ZNF608: variants seen among roughly 807,000 people sequenced by gnomAD.
ZNF608 encodes zinc finger protein 608.
Under a neutral mutation model 109.0 loss-of-function variants are expected in ZNF608, and 12 were observed. That is an observed-to-expected ratio of 0.11 (90% CI 0.07 to 0.18). The LOEUF is 0.18. Among genes scored for constraint, ZNF608 ranks in the 10% least tolerant of loss-of-function variants. The pLI is 1.00. For synonymous variants in ZNF608, 732 were observed against 717.4 expected (o/e 1.02, Z -0.33); for missense variants, 1,707 against 1,879.3 (o/e 0.91, Z 1.70).
At chr5:124,674,213 C>A (rs1005483457) in intron 3 of ZNF608, among the ~76,000 whole-genome samples, 5 of 152,132 alleles carry the variant, frequency 3.3e-5, no homozygotes, top group Non-Finnish European at 5.9e-5. Flanking sequence ...CAGGTAAAGT[C>A]AGACAAGGGC....
intron 3 of ZNF608, among the ~76,000 whole-genome samples, chr5:124,658,055 C>A (rs575130213): frequency 6.6e-6 from 1 of 152,032 alleles, no homozygotes; most frequent in South Asian, 2.1e-4. Flanking sequence ...ATTGTGTAGA[C>A]CGTTCCTCTA....
intron 2 of ZNF608, among the ~76,000 whole-genome samples, chr5:124,718,340 C>A (rs1422375697): frequency 6.6e-6 from 1 of 152,182 alleles, no homozygotes; most frequent in Non-Finnish European, 1.5e-5. Flanking sequence ...AAAAATAAAC[C>A]TAATCTAAGC....
In ZNF608 at chr5:124,637,753, T is replaced by A; in HGVS notation, c.*147A>T. ...TTAATTACAGCAACATTTGTTACTC[T>A]GTGATAAAATCTGTAATTTACAAAA... On this transcript the variant is annotated 3_prime_UTR_variant, in exon 10 of 10. Coordinates refer to ENST00000513986, the MANE Select transcript of ZNF608 (RefSeq NM_020747.3). 1.5e-6 allele frequency: 1 copy of A among 660,794 alleles called. No individual in the cohort carries two copies. Among genetic ancestry groups the A allele is most frequent in the Non-Finnish European group, 2.5e-6 (1 of 397,858 alleles). 40.9% of individuals were successfully genotyped at this position (660,794 alleles called of 1,614,324 possible).
At chr5:124,716,051 G>C (rs984189563) in intron 2 of ZNF608, among the ~76,000 whole-genome samples, 6 of 150,522 alleles carry the variant, frequency 4.0e-5, no homozygotes, top group African/African-American at 7.3e-5. Flanking sequence ...GCTGAGGCAG[G>C]AGAATGGCCT....
At chr5:124,723,992 G>A (rs1156268118) in intron 2 of ZNF608, among the ~76,000 whole-genome samples, 1 of 152,074 alleles carries the variant, frequency 6.6e-6, no homozygotes, top group African/African-American at 2.4e-5. Flanking sequence ...ATTACTATCA[G>A]ATTAGCACAG....
rs770936188 is a variant in ZNF608, at chr5:124,744,493, T to A, written c.497A>T (p.Asn166Ile). The change falls in exon 2 of 10, where the codon AAC becomes ATC. Residue 166 changes from asparagine (N) to isoleucine (I), a missense_variant. Around this residue, in one of 7 missense-constraint regions of ZNF608, gnomAD observed 407 missense variants for 398.7 expected, o/e 1.02. Transcript: ENST00000513986. The surrounding 1 kb of genome is among the most constrained non-coding windows in gnomAD (Gnocchi z 4.5). ...SVSSGGSGNP[N>I]SNSTSTSTSA... ...GGTGCTGGTGCTGGTACTATTGCTG[T>A]TTGGGTTGCCGCTGCCGCCGCTGCT... The A allele has an allele frequency of 1.9e-6, 3 of 1,614,204 alleles. No individual in the cohort carries two copies. In the South Asian group the frequency reaches 3.3e-5, roughly 18 times the overall value.
intron 3 of ZNF608, among the ~76,000 whole-genome samples, chr5:124,653,236 C>T (rs1054653753): frequency 1.2e-4 from 19 of 152,152 alleles, no homozygotes; most frequent in African/African-American, 4.3e-4. Flanking sequence ...CCCCCAAAGG[C>T]CTATTACCTA....
Position 124,641,421 on chromosome 5 carries a change from G to T in ZNF608, c.4297-16C>A, listed in dbSNP as rs2149781621. ...TTTCCACAGGCTGCAACAGAAAAGA[G>T]AAATTTTCCCCCTTCATGCTCTGAA... On this transcript the variant is annotated splice_polypyrimidine_tract_variant and intron_variant, in intron 7 of 9. Coordinates refer to ENST00000513986, the MANE Select transcript of ZNF608 (RefSeq NM_020747.3). The T allele has an allele frequency of 1.3e-6, 2 of 1,596,678 alleles. No individual in the cohort carries two copies. Among genetic ancestry groups the T allele is most frequent in the Non-Finnish European group, 1.7e-6 (2 of 1,168,366 alleles).
chr5:124,734,695 T>C (rs1409066934), intron 2 of ZNF608: 2 of 152,330 alleles, frequency 1.3e-5, no homozygotes, highest in East Asian at 3.9e-4. Context: ...GCCAAGCCAA[T>C]TAATCACTCA....
chr5:124,721,722 G>T (rs959460655), intron 2 of ZNF608, among the ~76,000 whole-genome samples: 5 of 151,682 alleles, frequency 3.3e-5, no homozygotes, highest in African/African-American at 1.2e-4. Context: ...GATCGTCTGA[G>T]GTCAGGGGTT....
At chr5:124,721,891 G>A (rs6893139) in intron 2 of ZNF608, among the ~76,000 whole-genome samples, 51,092 of 134,686 alleles carry the variant, frequency 0.38, 9,312 homozygotes, top group Middle Eastern at 0.53. Flanking sequence ...ACAGTGAGCC[G>A]AGATCGTACC....
At chr5:124,646,265 G>A (rs373171564) in intron 5 of ZNF608, among the ~76,000 whole-genome samples, 7 of 152,146 alleles carry the variant, frequency 4.6e-5, no homozygotes, top group Non-Finnish European at 8.8e-5. Flanking sequence ...GGAGGCTGAC[G>A]CAGGAGAATC....
chr5:124,744,950 G>T lies in ZNF608; in HGVS notation c.40C>A (p.Pro14Thr). The T allele has an allele frequency of 6.2e-7, 1 of 1,613,656 alleles. No individual in the cohort carries two copies. The highest frequency in any genetic ancestry group is 8.5e-7 in the Non-Finnish European group (1 of 1,179,742). ...CTGTCATAAGTATCAACTGTATTTGGATCCACACCTTTTCCTGCAGTAGAA... is the reference window on the plus strand; with the variant it reads ...CTGTCATAAGTATCAACTGTATTTGTATCCACACCTTTTCCTGCAGTAGAA... ...NISTAGKGVDPNTVDTYDSGD... is the reference protein window; with the variant it reads ...NISTAGKGVDTNTVDTYDSGD... Residue 14 changes from proline to threonine, a missense_variant, in exon 2 of 10, where the codon CCA (proline) becomes ACA (threonine). Coordinates refer to ENST00000513986, the MANE Select transcript of ZNF608 (RefSeq NM_020747.3). The surrounding 1 kb of genome is among the most constrained non-coding windows in gnomAD (Gnocchi z 4.5).
intron 3 of ZNF608, among the ~76,000 whole-genome samples, chr5:124,681,686 C>T (rs984086689): frequency 6.6e-6 from 1 of 152,136 alleles, no homozygotes; most frequent in African/African-American, 2.4e-5. Flanking sequence ...GAATTTGTGG[C>T]TGTAGTGTAC....
intron 3 of ZNF608, among the ~76,000 whole-genome samples, chr5:124,668,710 G>C (rs1261099024): frequency 6.6e-6 from 1 of 152,108 alleles, no homozygotes; most frequent in African/African-American, 2.4e-5. Flanking sequence ...CACACAGCTG[G>C]GAGGCCTGAC....
At chr5:124,730,759 G>C (rs1264103729) in intron 2 of ZNF608, among the ~76,000 whole-genome samples, 3 of 152,096 alleles carry the variant, frequency 2.0e-5, no homozygotes, top group Admixed American at 6.5e-5. Context: ...AGAAGCAAGA[G>C]ACAAGAACTC....
intron 2 of ZNF608, 147 bp from the exon 3 acceptor site, chr5:124,701,416 A>G (rs1227188235): frequency 1.9e-6 from 2 of 1,050,040 alleles, no homozygotes; most frequent in East Asian, 5.0e-5. Flanking sequence ...TGGTGCCAAA[A>G]TATAAAGGAG....
chr5:124,637,736 A>G lies in ZNF608; in HGVS notation c.*164T>C. The G allele has an allele frequency of 1.9e-6, 1 of 525,316 alleles. No individual in the cohort carries two copies. The highest frequency in any genetic ancestry group is 3.3e-6 in the Non-Finnish European group (1 of 300,646). 32.5% of individuals were successfully genotyped at this position (525,316 alleles called of 1,614,324 possible). A position where few individuals can be genotyped will look rare whatever the true frequency, so the allele number is the denominator to read the frequency against. On this transcript the variant is annotated 3_prime_UTR_variant, in exon 10 of 10. Coordinates refer to ENST00000513986, the MANE Select transcript of ZNF608 (RefSeq NM_020747.3). ...ATATATAAAACAGAAGTTTAATTAC[A>G]GCAACATTTGTTACTCTGTGATAAA... is the stretch of plus-strand genomic sequence containing the variant.
At chr5:124,656,468 T>C (rs1751011546) in intron 3 of ZNF608, among the ~76,000 whole-genome samples, 1 of 152,174 alleles carries the variant, frequency 6.6e-6, no homozygotes, top group African/African-American at 2.4e-5. Context: ...GGTTTGGTGT[T>C]ATTTTCAGGG....
Sources: allele counts gnomAD v4.1 joint callset (sites outside exome capture counted in the v4.1 genomes callset), GRCh38; gene constraint gnomAD v4.1.1; regional missense constraint gnomAD v4.1.1; non-coding constraint Gnocchi (gnomAD v3.1); transcripts MANE v1.5; gene names NCBI Gene and HGNC (gene_info 2026-07-23, HGNC 2026-07-21).